CBX7: variants seen among roughly 807,000 people sequenced by gnomAD.
CBX7 encodes the protein chromobox 7.
In CBX7, 14 loss-of-function variants were observed where a neutral mutation model predicts 31.4. The ratio of observed to expected loss-of-function variants is 0.45; its 90% CI spans 0.29 to 0.70. The LOEUF is 0.70. CBX7 is among the 30% of genes least tolerant of loss of function. The pLI, the probability that CBX7 is intolerant of heterozygous loss-of-function variation, is 0.11. For missense variants in CBX7, 269 were observed against 351.9 expected (o/e 0.76, Z 1.89); for synonymous variants, 159 against 152.6 (o/e 1.04, Z -0.31).
In CBX7 at chr22:39,149,694, G is replaced by A. The variant is rs1187900210; in HGVS notation, c.113+95C>T. ...CTGTCCAGTTACAAGAGTAGCTGGA[G>A]CTAAAAGCTAGGCAGGGGAGGGGGC... On this transcript the variant is annotated intron_variant, in intron 2 of 5. Coordinates refer to ENST00000216133, the MANE Select transcript of CBX7 (RefSeq NM_175709.5). The A allele has an allele frequency of 1.9e-5, 19 of 1,013,592 alleles. No individual in the cohort carries two copies. The Admixed American group carries it at 2.1e-4, about 11-fold the overall frequency. The allele number at this position is 1,013,592 out of a possible 1,614,324, so 62.8% of individuals were successfully genotyped here.
At chr22:39,141,152 G>T (rs1413428206) in intron 3 of CBX7, 5 of 522,920 alleles carry the variant, frequency 9.6e-6, no homozygotes, top group Non-Finnish European at 1.7e-5. Context: ...GTGGGTAAAG[G>T]AAGTGACCGA....
chr22:39,145,823 C>T (rs956688342), intron 2 of CBX7, among the ~76,000 whole-genome samples: 1 of 151,844 alleles, frequency 6.6e-6, no homozygotes, highest in Admixed American at 6.5e-5. Flanking sequence ...AAACAAGCCC[C>T]GGCCGCCCAG....
intron 1 of CBX7, among the ~76,000 whole-genome samples, chr22:39,150,062 C>G (rs8142647): frequency 1.3e-5 from 2 of 152,170 alleles, no homozygotes; most frequent in Non-Finnish European, 2.9e-5. Flanking sequence ...CACAGGAGTG[C>G]GTCTGGCTCC....
intron 2 of CBX7, chr22:39,148,457 G>A (rs1930737039): frequency 1.3e-5 from 2 of 152,338 alleles, no homozygotes; most frequent in African/African-American, 4.8e-5. Flanking sequence ...CTGGTGCGAA[G>A]CGAGAGAGGC....
Position 39,141,456 on chromosome 22 carries a change from G to A in CBX7, c.114-20C>T. The A allele has an allele frequency of 6.2e-7, 1 of 1,608,004 alleles. No individual in the cohort carries two copies. Among genetic ancestry groups the A allele is most frequent in the Non-Finnish European group, 8.5e-7 (1 of 1,177,176 alleles). ...CTGTACCTGGGGAGAGGAATGAAAG[G>A]TCAGAGTTGGGGCTGGGCGCGGTGG... On this transcript the variant is annotated intron_variant, in intron 2 of 5. Transcript: ENST00000216133.
At chr22:39,134,351 C>T in intron 5 of CBX7, 50 bp downstream of exon 5, 1 of 1,449,736 alleles carries the variant, frequency 6.9e-7, no homozygotes, top group Non-Finnish European at 9.3e-7. Context: ...ACCTTATGAC[C>T]CATAGGGCCC....
At position 39,134,016 on chromosome 22, in the gene CBX7, A is replaced by T. The variant is rs1930146985; in HGVS notation, c.631T>A (p.Trp211Arg). 6.2e-7 allele frequency: 1 copy of T among 1,609,524 alleles called. No homozygotes were observed. Among genetic ancestry groups the T allele is most frequent in the African/African-American group, 1.3e-5 (1 of 74,790 alleles). ...DADLAEGPPPWTPALPSSEVT... is the reference protein window; with the variant it reads ...DADLAEGPPPRTPALPSSEVT... ...TCACTTGAGGGGAGCGCAGGTGTCCAGGGAGGGGGCCCCTCGGCCAGGTCG... is the reference window on the plus strand; with the variant it reads ...TCACTTGAGGGGAGCGCAGGTGTCCTGGGAGGGGGCCCCTCGGCCAGGTCG... Residue 211 changes from tryptophan (W) to arginine (R), a missense_variant, in exon 6 of 6, where the codon TGG becomes AGG. By Grantham distance (101) the Trp-to-Arg change is moderately radical. This residue lies in a region of CBX7 where 222 missense variants were observed against 240.4 expected (regional missense o/e 0.92). Coordinates refer to ENST00000216133, the MANE Select transcript of CBX7 (RefSeq NM_175709.5).
chr22:39,135,026 T>A, intron 4 of CBX7: 1 of 415,832 alleles, frequency 2.4e-6, no homozygotes, highest in Non-Finnish European at 4.3e-6. Flanking sequence ...CAGAGAAGCA[T>A]ACAAGAAGGA....
intron 3 of CBX7, among the ~76,000 whole-genome samples, chr22:39,139,039 G>GT (rs1218662487): frequency 6.6e-6 from 1 of 152,030 alleles, no homozygotes; most frequent in Non-Finnish European, 1.5e-5. Flanking sequence ...ACGTGGCTCA[G>GT]TTTTTCCTCC....
intron 5 of CBX7, 26 bp downstream of exon 5, chr22:39,134,375 G>A (rs1601554537): frequency 6.4e-7 from 1 of 1,565,780 alleles, no homozygotes; most frequent in Non-Finnish European, 8.6e-7. Flanking sequence ...CCAGCTCTGA[G>A]GGTCTCTGGG....
intron 2 of CBX7, among the ~76,000 whole-genome samples, chr22:39,146,644 C>T (rs1009859851): frequency 1.3e-5 from 2 of 152,258 alleles, no homozygotes; most frequent in Non-Finnish European, 2.9e-5. Flanking sequence ...GGCAAGGCCT[C>T]ATTTGCTGTA....
intron 3 of CBX7, chr22:39,141,001 A>C: frequency 4.2e-6 from 1 of 237,152 alleles, no homozygotes; most frequent in Non-Finnish European, 8.4e-6. Context: ...GCCGCCTCCT[A>C]GCACACAGGG....
intron 2 of CBX7, chr22:39,147,033 T>C (rs1254885240): frequency 7.0e-6 from 1 of 142,068 alleles, no homozygotes; most frequent in Non-Finnish European, 1.5e-5. Flanking sequence ...GCTGGGGAGA[T>C]AAAACAGGCA....
rs941752271 is a variant in CBX7, at chr22:39,152,192, G to T, written c.69+184C>A. On this transcript the variant is annotated intron_variant, in intron 1 of 5. Transcript: ENST00000216133. The surrounding 1 kb of genome is among the most constrained non-coding windows in gnomAD (Gnocchi z 4.9). Reference sequence around the variant, plus strand: ...CTAGCATCCTGGAGCGACAACTTTTGTTCTACTCGCCCTACACGGTGGCAG... The same window carrying T: ...CTAGCATCCTGGAGCGACAACTTTTTTTCTACTCGCCCTACACGGTGGCAG... Among the ~76,000 whole-genome samples, 1 of 152,080 alleles carries T rather than the reference G, an allele frequency of 6.6e-6. No individual in the cohort carries two copies. The highest frequency in any genetic ancestry group is 2.1e-4 in the South Asian group (1 of 4,826).
chr22:39,144,540 T>G (rs1361606478), intron 2 of CBX7, among the ~76,000 whole-genome samples: 2 of 152,074 alleles, frequency 1.3e-5, no homozygotes, highest in Non-Finnish European at 2.9e-5. Flanking sequence ...TGGGAAGGGC[T>G]GGGGAGCCCC....
At chr22:39,139,999 G>C (rs1930398474) in intron 3 of CBX7, among the ~76,000 whole-genome samples, 1 of 152,048 alleles carries the variant, frequency 6.6e-6, no homozygotes, top group South Asian at 2.1e-4. Context: ...AACACAACCA[G>C]AGACTCCAAA....
At chr22:39,143,799 C>G (rs1296105407) in intron 2 of CBX7, among the ~76,000 whole-genome samples, 1 of 152,206 alleles carries the variant, frequency 6.6e-6, no homozygotes, top group African/African-American at 2.4e-5. Flanking sequence ...CTGGGAGCAG[C>G]AGACTCTATT....
chr22:39,137,779 T>C (rs1007239669), intron 4 of CBX7, among the ~76,000 whole-genome samples: 1 of 152,194 alleles, frequency 6.6e-6, no homozygotes, highest in Non-Finnish European at 1.5e-5. Context: ...TCCGGGATGC[T>C]GCAGAGACTT....
chr22:39,149,929 C>T, intron 1 of CBX7, 97 bp from the exon 2 acceptor site: 1 of 920,584 alleles, frequency 1.1e-6, no homozygotes, highest in Non-Finnish European at 1.8e-6. Context: ...GCTCCAAATC[C>T]CATCTGCAGA....
Sources: allele counts gnomAD v4.1 joint callset (sites outside exome capture counted in the v4.1 genomes callset), GRCh38; gene constraint gnomAD v4.1.1; regional missense constraint gnomAD v4.1.1; non-coding constraint Gnocchi (gnomAD v3.1); transcripts MANE v1.5; gene names NCBI Gene and HGNC (gene_info 2026-07-23, HGNC 2026-07-21).